SEMA6D: variants seen among roughly 807,000 people sequenced by gnomAD.
SEMA6D encodes the protein semaphorin-6D.
A neutral mutation model predicts 106.6 loss-of-function variants in SEMA6D; 35 were observed. That is an observed-to-expected ratio of 0.33 (90% CI 0.25 to 0.44). The LOEUF is 0.44. SEMA6D is among the 20% of genes least tolerant of loss of function. SEMA6D has a pLI of 1.00. For missense variants in SEMA6D, 1,185 were observed against 1,345.9 expected (o/e 0.88, Z 1.87); for synonymous variants, 499 against 487.7 (o/e 1.02, Z -0.31).
rs546049343 is a variant in SEMA6D at position 47,362,088 on chromosome 15, G to A, written c.-238-50305G>A. Among the ~76,000 whole-genome samples the A allele has an allele frequency of 3.0e-4, 45 of 152,274 alleles. No individual in the cohort carries two copies. The Middle Eastern group carries it at 0.017, about 58-fold the overall frequency. ...CCTTCTCTAAATTATTGAAAGTTGA[G>A]TAGACTGCCTTAATTGGCAAGGAGA... On this transcript the variant is annotated intron_variant, in intron 1 of 19. Coordinates refer to the SEMA6D transcript ENST00000558014.
chr15:47,711,271 C>T (rs947565290), intron 4 of SEMA6D, among the ~76,000 whole-genome samples: 134 of 134,658 alleles, frequency 1.0e-3, no homozygotes, highest in African/African-American at 3.8e-3. Flanking sequence ...GATCCCGCCA[C>T]TGCACTCCAG....
chr15:47,230,667 G>A (rs1030549998), intron 1 of SEMA6D, among the ~76,000 whole-genome samples: 2 of 151,922 alleles, frequency 1.3e-5, no homozygotes, highest in African/African-American at 4.8e-5. Flanking sequence ...CAGTCCCTTG[G>A]CCAGCAACTG....
intron 1 of SEMA6D, among the ~76,000 whole-genome samples, chr15:47,200,607 A>C (rs930587157): frequency 6.6e-6 from 1 of 152,162 alleles, no homozygotes; most frequent in Non-Finnish European, 1.5e-5. Flanking sequence ...CGCTATTCTA[A>C]CCAGCTTTAA....
chr15:47,362,146 G>A (rs1000386022), intron 1 of SEMA6D, among the ~76,000 whole-genome samples: 5 of 152,154 alleles, frequency 3.3e-5, no homozygotes, highest in African/African-American at 1.2e-4. Context: ...AGAAGTTGGG[G>A]GTTGGGGGCA....
chr15:47,346,238 T>C (rs146370895), intron 1 of SEMA6D, among the ~76,000 whole-genome samples: 3 of 152,254 alleles, frequency 2.0e-5, no homozygotes, highest in African/African-American at 4.8e-5. Flanking sequence ...TAGGACTCCA[T>C]GAGACCAGTT....
intron 3 of SEMA6D, among the ~76,000 whole-genome samples, chr15:47,515,767 G>T (rs1392864053): frequency 6.6e-6 from 1 of 152,186 alleles, no homozygotes; most frequent in Non-Finnish European, 1.5e-5. Context: ...TATGTCTCCA[G>T]CTAGTAAAAG....
At chr15:47,439,878 A>G (rs1350955593) in intron 2 of SEMA6D, among the ~76,000 whole-genome samples, 1 of 152,134 alleles carries the variant, frequency 6.6e-6, no homozygotes, top group Non-Finnish European at 1.5e-5. Context: ...ATTTGAACAC[A>G]TGGTAGTTTC....
At chr15:47,515,006 A>G (rs1338148644) in intron 3 of SEMA6D, among the ~76,000 whole-genome samples, 1 of 152,144 alleles carries the variant, frequency 6.6e-6, no homozygotes, top group East Asian at 1.9e-4. Context: ...ACCTATTATT[A>G]TTTGATCTCA....
At chr15:47,733,478 A>G (rs1482324770) in intron 1 of SEMA6D, among the ~76,000 whole-genome samples, 2 of 152,170 alleles carry the variant, frequency 1.3e-5, no homozygotes, top group African/African-American at 2.4e-5. Flanking sequence ...TTTGTTCACC[A>G]AGGTAAAACT....
At chr15:47,353,441 GTTGCACA>G (rs2038409333) in intron 1 of SEMA6D, among the ~76,000 whole-genome samples, 1 of 152,086 alleles carries the variant, frequency 6.6e-6, no homozygotes, top group South Asian at 2.1e-4. Flanking sequence ...CTAACAAAGA[GTTGCACA>G]TTCCTTGCTT....
Position 47,447,152 on chromosome 15 carries a change from C to T in SEMA6D, c.-158-23322C>T, listed in dbSNP as rs565352124. On this transcript the variant is annotated intron_variant, in intron 2 of 19. Coordinates refer to the SEMA6D transcript ENST00000558014. ...CCTGCTTTGACATCCTGGCACTGTGCCCAGCCTTCAAGATCCTCTCAGTTT... is the reference window on the plus strand; with the variant it reads ...CCTGCTTTGACATCCTGGCACTGTGTCCAGCCTTCAAGATCCTCTCAGTTT... 2.0e-5 allele frequency among the ~76,000 whole-genome samples: 3 copies of T among 152,228 alleles called. 1 individual carries two copies. The South Asian group carries it at 6.2e-4, about 32-fold the overall frequency.
intron 1 of SEMA6D, among the ~76,000 whole-genome samples, chr15:47,346,349 G>A (rs575650053): frequency 2.6e-5 from 4 of 152,244 alleles, no homozygotes; most frequent in South Asian, 2.1e-4. Context: ...TGGCAGTACC[G>A]GAGTTTTGTC....
At chr15:47,508,316 C>T (rs1656614) in intron 3 of SEMA6D, among the ~76,000 whole-genome samples, 1 of 152,114 alleles carries the variant, frequency 6.6e-6, no homozygotes, top group Admixed American at 6.5e-5. Context: ...TCTGTACACT[C>T]TCTTCTTCCA....
chr15:47,368,264 T>G (rs887895419), intron 1 of SEMA6D, among the ~76,000 whole-genome samples: 4 of 152,206 alleles, frequency 2.6e-5, no homozygotes, highest in African/African-American at 9.6e-5. Context: ...GGCAGCTCCA[T>G]CAGCCGGTGG....
chr15:47,576,780 T>C (rs1178011851), intron 3 of SEMA6D, among the ~76,000 whole-genome samples: 2 of 152,228 alleles, frequency 1.3e-5, no homozygotes, highest in Non-Finnish European at 2.9e-5. Flanking sequence ...TAATTCTCTG[T>C]CCAGACTATG....
chr15:47,475,583 A>G (rs571868894), intron 3 of SEMA6D, among the ~76,000 whole-genome samples: 2 of 152,158 alleles, frequency 1.3e-5, no homozygotes, highest in Non-Finnish European at 1.5e-5. Context: ...AAATCATTGT[A>G]AGAGAGCTTG....
chr15:47,719,594 G>A (rs1379354803), intron 1 of SEMA6D, among the ~76,000 whole-genome samples: 1 of 152,150 alleles, frequency 6.6e-6, no homozygotes, highest in Non-Finnish European at 1.5e-5. Flanking sequence ...AAGTCCCTGG[G>A]AAAGGTCTAA....
chr15:47,270,339 C>G (rs2034501961), intron 1 of SEMA6D, among the ~76,000 whole-genome samples: 1 of 151,492 alleles, frequency 6.6e-6, no homozygotes, highest in Admixed American at 6.6e-5. Context: ...ATAACCTGGC[C>G]AAGTACACTA....
intron 1 of SEMA6D, among the ~76,000 whole-genome samples, chr15:47,189,088 G>A (rs1194763892): frequency 6.6e-6 from 1 of 152,080 alleles, no homozygotes; most frequent in African/African-American, 2.4e-5. Flanking sequence ...ATATCAGGGT[G>A]GAAATAAATG....
Sources: allele counts gnomAD v4.1 joint callset (sites outside exome capture counted in the v4.1 genomes callset), GRCh38; gene constraint gnomAD v4.1.1; transcripts MANE v1.5; gene names NCBI Gene and HGNC (gene_info 2026-07-23, HGNC 2026-07-21).